The following GPATCH2 variants were observed in gnomAD, a reference collection of about 807,000 sequenced individuals.
The protein encoded by GPATCH2 is G-patch domain containing 2.
GPATCH2 carries 51 observed loss-of-function variants against 58.0 expected under a neutral mutation model. The observed-to-expected ratio is 0.88, with a 90% confidence interval of 0.70 to 1.11. The LOEUF (loss-of-function observed/expected upper bound fraction) is 1.11, where lower values mean the gene tolerates loss of function less well. Ranked by LOEUF, GPATCH2 falls within the 50% of genes most tolerant of loss-of-function variation. The probability of loss-of-function intolerance (pLI) is 0.00; values close to 1 mark genes in which losing one functional copy is unlikely to be tolerated. For synonymous variants in GPATCH2, 222 were observed against 218.5 expected (o/e 1.02, Z -0.14); for missense variants, 625 against 652.2 (o/e 0.96, Z 0.45).
intron 8 of GPATCH2, among the ~76,000 whole-genome samples, chr1:217,462,961 A>G (rs1660263499): frequency 6.6e-6 from 1 of 152,146 alleles, no homozygotes; most frequent in Non-Finnish European, 1.5e-5. Context: ...AGCAGAACCA[A>G]TCTCACAGAG....
At chr1:217,620,826 C>G (rs1040859747) in intron 1 of GPATCH2, among the ~76,000 whole-genome samples, 7 of 152,156 alleles carry the variant, frequency 4.6e-5, no homozygotes, top group African/African-American at 1.7e-4. Flanking sequence ...ACTCCTACCC[C>G]TTTTCTAGAG....
At chr1:217,510,515 C>T (rs574522716) in intron 6 of GPATCH2, among the ~76,000 whole-genome samples, 25 of 151,324 alleles carry the variant, frequency 1.7e-4, no homozygotes, top group Admixed American at 9.2e-4. Flanking sequence ...AATAAAACAA[C>T]AGTAAACACA....
In GPATCH2 at chr1:217,431,111, A is replaced by G. The variant is rs768313166; in HGVS notation, c.*34T>C. The G allele has an allele frequency of 2.9e-6, 3 of 1,033,802 alleles. No homozygotes were observed. The African/African-American group carries it at 4.7e-5, about 16-fold the overall frequency. 64.0% of individuals were successfully genotyped at this position (1,033,802 alleles called of 1,614,324 possible). ...ATTTTAGAACAATGGGACATAGTGA[A>G]TAAAGTCTGTAAAACATTTCTTCTT... On this transcript the variant is annotated 3_prime_UTR_variant, in exon 10 of 10. Coordinates refer to ENST00000366935, the MANE Select transcript of GPATCH2 (RefSeq NM_018040.5).
chr1:217,583,928 T>C (rs1274750545), intron 5 of GPATCH2, among the ~76,000 whole-genome samples: 1 of 151,900 alleles, frequency 6.6e-6, no homozygotes, highest in Non-Finnish European at 1.5e-5. Context: ...CCAAGAAAAT[T>C]ATTCATTAAA....
chr1:217,631,066 T>C lies in GPATCH2; in HGVS notation c.-95A>G. On this transcript the variant is annotated 5_prime_UTR_variant, in exon 1 of 10. Transcript: ENST00000366935. ...GACTTCCAAAGAGCAGTTCAGCATT[T>C]TGAGATGAGCTTCCGGAAGCCGACA... is the stretch of plus-strand genomic sequence containing the variant. The C allele has an allele frequency of 8.2e-7, 1 of 1,220,106 alleles. No homozygotes were observed. Among genetic ancestry groups the C allele is most frequent in the Non-Finnish European group, 1.1e-6 (1 of 871,238 alleles). The allele number at this position is 1,220,106 out of a possible 1,614,324, so 75.6% of individuals were successfully genotyped here.
chr1:217,612,503 A>G (rs1668682471), intron 3 of GPATCH2, among the ~76,000 whole-genome samples: 1 of 152,172 alleles, frequency 6.6e-6, no homozygotes, highest in African/African-American at 2.4e-5. Context: ...AATTAGAGTC[A>G]TCAGCTCGTT....
At chr1:217,570,271 C>T (rs1201607791) in intron 5 of GPATCH2, among the ~76,000 whole-genome samples, 2 of 152,090 alleles carry the variant, frequency 1.3e-5, no homozygotes, top group Non-Finnish European at 2.9e-5. Flanking sequence ...GCCACCACGC[C>T]TGGCTAATTT....
intron 5 of GPATCH2, among the ~76,000 whole-genome samples, chr1:217,559,581 T>C (rs1665817848): frequency 6.6e-6 from 1 of 151,280 alleles, no homozygotes; most frequent in African/African-American, 2.4e-5. Context: ...CTTAAGGAAA[T>C]GGAAAAAAGG....
At position 217,451,790 on chromosome 1, in the gene GPATCH2, C is replaced by G. The variant is rs116158651; in HGVS notation, c.1278-2453G>C. On this transcript the variant is annotated intron_variant, in intron 8 of 9. Coordinates refer to ENST00000366935, the MANE Select transcript of GPATCH2 (RefSeq NM_018040.5). ...AGGGAATAAAGTGGGAATCTGAATTCTGCAGTGCGGGTCTTCTGTAATCAA... is the reference window on the plus strand; with the variant it reads ...AGGGAATAAAGTGGGAATCTGAATTGTGCAGTGCGGGTCTTCTGTAATCAA... Among the ~76,000 whole-genome samples the G allele has an allele frequency of 7.5e-3, 1,136 of 152,270 alleles. 10 individuals carry two copies. The highest frequency in any genetic ancestry group is 0.025 in the African/African-American group (1,035 of 41,550).
At chr1:217,598,103 T>C (rs1667933068) in intron 5 of GPATCH2, among the ~76,000 whole-genome samples, 2 of 152,078 alleles carry the variant, frequency 1.3e-5, no homozygotes, top group Non-Finnish European at 2.9e-5. Flanking sequence ...AAACATAGGG[T>C]CGGTGGGCGC....
intron 9 of GPATCH2, among the ~76,000 whole-genome samples, chr1:217,434,963 A>G (rs1658743446): frequency 6.6e-6 from 1 of 152,204 alleles, no homozygotes; most frequent in Non-Finnish European, 1.5e-5. Flanking sequence ...TGAACATTTT[A>G]TTCTTCAAAT....
intron 5 of GPATCH2, among the ~76,000 whole-genome samples, chr1:217,554,070 A>G (rs1665497348): frequency 6.6e-6 from 1 of 152,244 alleles, no homozygotes; most frequent in Non-Finnish European, 1.5e-5. Context: ...CTTCTTGTCC[A>G]GCTCTTGAGC....
intron 6 of GPATCH2, among the ~76,000 whole-genome samples, chr1:217,511,113 T>TAAATA (rs1314265308): frequency 1.3e-5 from 2 of 151,546 alleles, no homozygotes; most frequent in African/African-American, 4.8e-5. Flanking sequence ...AAAAATAAAA[T>TAAATA]AAATAAAATA....
At chr1:217,448,075 G>A (rs1412028012) in intron 9 of GPATCH2, among the ~76,000 whole-genome samples, 2 of 150,018 alleles carry the variant, frequency 1.3e-5, no homozygotes, top group Non-Finnish European at 3.0e-5. Context: ...TCCAGCCTGG[G>A]TGACAAGGGT....
At chr1:217,584,759 A>C (rs1385489192) in intron 5 of GPATCH2, among the ~76,000 whole-genome samples, 1 of 152,156 alleles carries the variant, frequency 6.6e-6, no homozygotes, top group Admixed American at 6.5e-5. Flanking sequence ...GAAGGAAAAA[A>C]AACTTTTAAA....
At chr1:217,433,254 A>G (rs529073722) in intron 9 of GPATCH2, among the ~76,000 whole-genome samples, 107 of 152,010 alleles carry the variant, frequency 7.0e-4, no homozygotes, top group Middle Eastern at 3.4e-3. Context: ...ATCAATAAGA[A>G]TAACAAAAAT....
At chr1:217,457,437 G>A (rs1215236470) in intron 8 of GPATCH2, among the ~76,000 whole-genome samples, 2 of 152,030 alleles carry the variant, frequency 1.3e-5, no homozygotes, top group Non-Finnish European at 2.9e-5. Context: ...AAACATTTTA[G>A]CACGTATATA....
At chr1:217,480,480 T>A (rs997284706) in intron 8 of GPATCH2, among the ~76,000 whole-genome samples, 1 of 152,018 alleles carries the variant, frequency 6.6e-6, no homozygotes, top group Non-Finnish European at 1.5e-5. Flanking sequence ...TATATCCAAA[T>A]GAGGTAATAA....
intron 5 of GPATCH2, among the ~76,000 whole-genome samples, chr1:217,516,298 C>T (rs146464343): frequency 1.5e-4 from 23 of 152,160 alleles, no homozygotes; most frequent in African/African-American, 4.8e-4. Context: ...CATGAGACAG[C>T]AATAAAATTC....
Sources: gnomAD v4.1 joint callset for allele counts (sites outside exome capture counted in the v4.1 genomes callset) on GRCh38, gnomAD v4.1.1 for gene constraint, MANE v1.5 for transcripts, NCBI Gene and HGNC (gene_info 2026-07-23, HGNC 2026-07-21) for gene names.